Variants in TCF4 observed in about 807,000 individuals in gnomAD.
TCF4 encodes the protein transcription factor 4.
A neutral mutation model predicts 82.1 loss-of-function variants in TCF4; 3 were observed. The ratio of observed to expected loss-of-function variants is 0.04; its 90% CI spans 0.02 to 0.09. The LOEUF is 0.09. TCF4 is among the 10% of genes least tolerant of loss of function. TCF4 has a pLI of 1.00. For synonymous variants in TCF4, 276 were observed against 309.6 expected (o/e 0.89, Z 1.14); for missense variants, 518 against 852.7 (o/e 0.61, Z 4.89).
At position 55,286,257 on chromosome 18, in the gene TCF4, A is replaced by C. The variant is rs944782812; in HGVS notation, c.550-6601T>G. 4.4e-5 allele frequency among the ~76,000 whole-genome samples: 5 copies of C among 112,858 alleles called. 1 individual carries two copies. The South Asian group carries it at 9.5e-4, about 21-fold the overall frequency. The allele number at this position is 112,858 out of a possible 152,430, so 74.0% of individuals were successfully genotyped here. A position where few individuals can be genotyped will look rare whatever the true frequency, so the allele number is the denominator to read the frequency against. On this transcript the variant is annotated intron_variant, in intron 8 of 19. Coordinates refer to ENST00000354452, the MANE Select transcript of TCF4 (RefSeq NM_001083962.2). ...ATTATCAGTATAATTGGGTCTCTCT[A>C]TTCTATATTCTTTGTTTTTAGTACT...
At chr18:55,586,687 G>C (rs1313071461) in intron 2 of TCF4, among the ~76,000 whole-genome samples, 1 of 152,164 alleles carries the variant, frequency 6.6e-6, no homozygotes, top group Non-Finnish European at 1.5e-5. Context: ...ACGAAGAGTA[G>C]TGTGCAAAGT....
intron 8 of TCF4, among the ~76,000 whole-genome samples, chr18:55,288,230 A>G (rs2064150855): frequency 6.6e-6 from 1 of 152,184 alleles, no homozygotes; most frequent in South Asian, 2.1e-4. Flanking sequence ...CCAGTGACAT[A>G]AGCAGGGATC....
intron 6 of TCF4, among the ~76,000 whole-genome samples, chr18:55,378,603 T>C (rs528851975): frequency 6.6e-6 from 1 of 152,330 alleles, no homozygotes; most frequent in South Asian, 2.1e-4. Context: ...GAAGTCTGAT[T>C]GAAAGGCTAC....
At chr18:55,538,355 G>A (rs1049818218) in intron 3 of TCF4, among the ~76,000 whole-genome samples, 15 of 152,046 alleles carry the variant, frequency 9.9e-5, no homozygotes, top group African/African-American at 3.6e-4. Flanking sequence ...TCATTGATTG[G>A]GGACATTTTT....
intron 3 of TCF4, among the ~76,000 whole-genome samples, chr18:55,548,814 T>C (rs987891004): frequency 6.6e-6 from 1 of 152,180 alleles, no homozygotes; most frequent in Non-Finnish European, 1.5e-5. Flanking sequence ...ATTTAAAATA[T>C]AGTATAAAAG....
intron 8 of TCF4, among the ~76,000 whole-genome samples, chr18:55,319,898 CAATT>C (rs1266866466): frequency 6.6e-6 from 1 of 152,064 alleles, no homozygotes; most frequent in African/African-American, 2.4e-5. Context: ...GCAAAATTAA[CAATT>C]AACATGTAAA....
chr18:55,385,925 G>A (rs1054216140), intron 6 of TCF4, among the ~76,000 whole-genome samples: 3 of 152,124 alleles, frequency 2.0e-5, no homozygotes, highest in Non-Finnish European at 4.4e-5. Context: ...ATGTCCACAC[G>A]GCCACTGCCA....
At chr18:55,502,319 T>C (rs2096710476) in intron 3 of TCF4, among the ~76,000 whole-genome samples, 2 of 152,224 alleles carry the variant, frequency 1.3e-5, no homozygotes, top group Non-Finnish European at 2.9e-5. Context: ...TCACTCTATT[T>C]AGAGATCCAA....
At chr18:55,426,954 C>T (rs34461547) in intron 5 of TCF4, among the ~76,000 whole-genome samples, 5,451 of 152,190 alleles carry the variant, frequency 0.036, 129 homozygotes, top group Non-Finnish European at 0.054. Context: ...TCCCAAAATA[C>T]AGTCTTTTAC....
chr18:55,583,357 G>A (rs572901148), intron 3 of TCF4, among the ~76,000 whole-genome samples: 5 of 152,210 alleles, frequency 3.3e-5, no homozygotes, highest in African/African-American at 1.2e-4. Context: ...GTGTGTATGT[G>A]TGTATGTGTG....
At chr18:55,364,753 G>A (rs2086399382) in intron 6 of TCF4, among the ~76,000 whole-genome samples, 1 of 152,082 alleles carries the variant, frequency 6.6e-6, no homozygotes, top group Admixed American at 6.6e-5. Context: ...ATCTTTCAAG[G>A]TCTATGTATA....
intron 10 of TCF4, among the ~76,000 whole-genome samples, chr18:55,274,922 A>G (rs1231891915): frequency 6.6e-6 from 1 of 152,158 alleles, no homozygotes; most frequent in Non-Finnish European, 1.5e-5. Flanking sequence ...ACATACTATG[A>G]TAGATGAATG....
intron 8 of TCF4, among the ~76,000 whole-genome samples, chr18:55,348,906 G>C (rs1036700119): frequency 1.3e-5 from 2 of 151,986 alleles, no homozygotes; most frequent in East Asian, 1.9e-4. Flanking sequence ...TTAAGTTCAG[G>C]CATGTTTAAA....
At chr18:55,363,494 T>C (rs1397842116) in intron 6 of TCF4, among the ~76,000 whole-genome samples, 1 of 152,160 alleles carries the variant, frequency 6.6e-6, no homozygotes, top group African/African-American at 2.4e-5. Context: ...GGACCCAGAC[T>C]ACATACTCGT....
At chr18:55,401,045 A>C in intron 6 of TCF4, 1 of 1,289,126 alleles carries the variant, frequency 7.8e-7, no homozygotes. Flanking sequence ...TCTGCTATTT[A>C]GACTTGAAGC....
At chr18:55,453,575 A>G (rs1428104609) in intron 5 of TCF4, among the ~76,000 whole-genome samples, 1 of 152,134 alleles carries the variant, frequency 6.6e-6, no homozygotes, top group Non-Finnish European at 1.5e-5. Flanking sequence ...TTCTGTTTAG[A>G]AATTCTTCTA....
Position 55,631,297 on chromosome 18 carries a change from C to A in TCF4, c.286+1G>T. 6 of 1,414,982 alleles carry A rather than the reference C, an allele frequency of 4.2e-6. No individual in the cohort carries two copies. The highest frequency in any genetic ancestry group is 5.8e-6 in the Non-Finnish European group (6 of 1,026,608). 87.7% of individuals were successfully genotyped at this position (1,414,982 alleles called of 1,614,324 possible). A position where few individuals can be genotyped will look rare whatever the true frequency, so the allele number is the denominator to read the frequency against. On this transcript the variant is annotated splice_donor_variant, in intron 2 of 20. Transcript: ENST00000398339. LOFTEE classifies it high-confidence loss of function. ...CACCTGACCTCAGGTGATCCACCTA[C>A]CTTGGCCTCCCAAAGTGCTGGGATT...
At chr18:55,302,573 C>G in intron 8 of TCF4, 1 of 1,534,386 alleles carries the variant, frequency 6.5e-7, no homozygotes, top group Non-Finnish European at 8.7e-7. Flanking sequence ...GACCACAGCC[C>G]AGAATTCATA....
chr18:55,352,000 T>C, intron 6 of TCF4: 1 of 705,408 alleles, frequency 1.4e-6, no homozygotes, highest in Non-Finnish European at 1.7e-6. Flanking sequence ...CTAATTACTG[T>C]CCTTGATAAA....
Sources: gnomAD v4.1 joint callset for allele counts (sites outside exome capture counted in the v4.1 genomes callset) on GRCh38, gnomAD v4.1.1 for gene constraint, MANE v1.5 for transcripts, NCBI Gene and HGNC (gene_info 2026-07-23, HGNC 2026-07-21) for gene names.